The following CASK variants were observed in gnomAD, a reference collection of about 807,000 sequenced individuals.
CASK encodes calcium/calmodulin dependent serine protein kinase.
A neutral mutation model predicts 82.9 loss-of-function variants in CASK; 4 were observed. That is an observed-to-expected ratio of 0.05 (90% CI 0.02 to 0.11). The LOEUF is 0.11. Among genes scored for constraint, CASK ranks in the 10% least tolerant of loss-of-function variants. CASK has a pLI of 1.00. For missense variants in CASK, 358 were observed against 720.9 expected, an observed-to-expected ratio of 0.50 and a Z score of 5.76; for synonymous variants, 259 against 253.5, an observed-to-expected ratio of 1.02 and a Z score of -0.20.
intron 8 of CASK, among the ~76,000 whole-genome samples, chrX:41,638,828 A>G (rs1286973238): frequency 2.7e-5 from 3 of 110,797 alleles, no homozygotes; most frequent in African/African-American, 9.9e-5. Flanking sequence ...AAGCCAGTGG[A>G]GGGTCTTGAG....
chrX:41,775,540 T>C (rs2069343898), intron 3 of CASK, among the ~76,000 whole-genome samples: 1 of 105,675 alleles, frequency 9.5e-6, no homozygotes, highest in African/African-American at 3.4e-5. Context: ...ACTGGGTATA[T>C]ACCCAAAGGA....
intron 3 of CASK, among the ~76,000 whole-genome samples, chrX:41,770,329 C>T (rs1292622566): frequency 9.3e-6 from 1 of 107,750 alleles, no homozygotes; most frequent in Non-Finnish European, 1.9e-5. Context: ...TCCATCCATC[C>T]ATCCATCCAT....
intron 1 of CASK, among the ~76,000 whole-genome samples, chrX:41,883,304 T>C (rs1247904962): frequency 8.9e-6 from 1 of 111,793 alleles, no homozygotes; most frequent in Admixed American, 9.5e-5. Flanking sequence ...TTTGGAGGAC[T>C]ATAAACATCA....
chrX:41,784,141 C>T (rs149131154), intron 3 of CASK, among the ~76,000 whole-genome samples: 1,269 of 111,764 alleles, frequency 0.011, 28 homozygotes, highest in Admixed American at 0.071. Context: ...TTTTCTTTTA[C>T]ATCTCCACAA....
chrX:41,806,228 G>C (rs763621966), intron 2 of CASK, among the ~76,000 whole-genome samples: 22 of 111,916 alleles, frequency 2.0e-4, no homozygotes, highest in Non-Finnish European at 4.1e-4. Flanking sequence ...AAAATTAATA[G>C]CAAGTATTTA....
chrX:41,546,454 G>A (rs778612051), intron 21 of CASK, among the ~76,000 whole-genome samples: 3 of 110,876 alleles, frequency 2.7e-5, no homozygotes, highest in Admixed American at 9.6e-5. Flanking sequence ...TGACATCTTT[G>A]TTAGATTTAT....
intron 5 of CASK, chrX:41,729,776 AAAAAAATATAT>A: frequency 1.1e-5 from 1 of 86,983 alleles, no homozygotes; most frequent in Non-Finnish European, 2.3e-5. Context: ...AAAAAAAAAA[AAAAAAATATAT>A]ATATATATAT....
intron 5 of CASK, chrX:41,688,919 G>C (rs1408582674): frequency 1.9e-5 from 2 of 107,483 alleles, no homozygotes; most frequent in Admixed American, 2.0e-4. Flanking sequence ...AAAAAAAGAG[G>C]GGGAAAAAAA....
At chrX:41,687,131 A>C (rs2067455615) in intron 5 of CASK, among the ~76,000 whole-genome samples, 1 of 112,484 alleles carries the variant, frequency 8.9e-6, no homozygotes, top group Non-Finnish European at 1.9e-5. Flanking sequence ...TCTTAGGTGT[A>C]GGAAAATAAT....
At position 41,827,155 on chromosome X, in the gene CASK, A is replaced by G. The variant is rs946807459; in HGVS notation, c.172+25960T>C. The stretch of plus-strand genomic sequence containing the variant: ...TGGGAAAATTTTTAAGAAAAAAGTA[A>G]ACATGAAAATGCCCTCAAACTAAAT... On this transcript the variant is annotated intron_variant, in intron 2 of 26. Transcript: ENST00000378163. 2.7e-5 allele frequency among the ~76,000 whole-genome samples: 3 copies of G among 112,122 alleles called. No homozygotes were observed. In the Admixed American group the frequency reaches 2.8e-4, roughly 11 times the overall value.
chrX:41,817,409 T>C (rs1337648814), intron 2 of CASK, among the ~76,000 whole-genome samples: 2 of 111,627 alleles, frequency 1.8e-5, no homozygotes, highest in Non-Finnish European at 3.8e-5. Flanking sequence ...GGAATCCAGA[T>C]TGGAAAGGAA....
chrX:41,682,515 T>C (rs1164226226), intron 5 of CASK, among the ~76,000 whole-genome samples: 1 of 67,261 alleles, frequency 1.5e-5, no homozygotes, highest in Non-Finnish European at 2.5e-5. Context: ...GGTGACAGAA[T>C]GAGACTGTCT....
Position 41,557,236 on chromosome X carries a change from C to T in CASK, c.1738-136G>A, listed in dbSNP as rs757808038. The T allele has an allele frequency of 5.5e-6, 3 of 548,427 alleles. No individual in the cohort carries two copies. The South Asian group carries it at 8.0e-5, about 15-fold the overall frequency. 45.2% of individuals were successfully genotyped at this position (548,427 alleles called of 1,213,427 possible). A position where few individuals can be genotyped will look rare whatever the true frequency, so the allele number is the denominator to read the frequency against. ...GCTGTATAGGTGCCATACTGACTTG[C>T]TTGCATGATTTCACAGAAGTATGAA... On this transcript the variant is annotated intron_variant, in intron 18 of 26. Transcript: ENST00000378163.
intron 22 of CASK, among the ~76,000 whole-genome samples, chrX:41,537,266 T>C (rs1415258507): frequency 8.9e-6 from 1 of 111,789 alleles, no homozygotes; most frequent in Non-Finnish European, 1.9e-5. Context: ...CTGGTCTAAA[T>C]GAAATTGCCA....
At chrX:41,698,719 A>G (rs1283711236) in intron 5 of CASK, among the ~76,000 whole-genome samples, 1 of 111,413 alleles carries the variant, frequency 9.0e-6, no homozygotes, top group African/African-American at 3.3e-5. Context: ...TATTGACTGA[A>G]TTTATGTAAA....
At chrX:41,624,235 A>G (rs367694416) in intron 10 of CASK, 21 of 345,503 alleles carry the variant, frequency 6.1e-5, no homozygotes, top group Non-Finnish European at 5.6e-5. Context: ...AGGTGGAGGG[A>G]ACAAAATGGA....
chrX:41,770,585 C>T (rs1288525366), intron 3 of CASK, among the ~76,000 whole-genome samples: 1 of 110,375 alleles, frequency 9.1e-6, no homozygotes, highest in Non-Finnish European at 1.9e-5. Flanking sequence ...GACGAGATTT[C>T]ACCATGTTGG....
rs549154288 is a variant in CASK at position 41,600,137 on chromosome X, G to T, written c.1155+9767C>A. Among the ~76,000 whole-genome samples the T allele has an allele frequency of 2.7e-5, 3 of 111,989 alleles. No homozygotes were observed. The Admixed American group carries it at 2.8e-4, about 11-fold the overall frequency. ...GTAACATTTATGTTACATTAGGTGTGTCAGATAATATTTTATTTAATTATT... is the reference window on the plus strand; with the variant it reads ...GTAACATTTATGTTACATTAGGTGTTTCAGATAATATTTTATTTAATTATT... On this transcript the variant is annotated intron_variant, in intron 12 of 26. Coordinates refer to ENST00000378163, the MANE Select transcript of CASK (RefSeq NM_001367721.1).
At position 41,873,781 on chromosome X, in the gene CASK, GTTCCT is replaced by G. The variant is rs1205248025; in HGVS notation, c.60-20559_60-20555del. Among the ~76,000 whole-genome samples, 4 of 93,180 alleles carry G rather than the reference GTTCCT, an allele frequency of 4.3e-5. No individual in the cohort carries two copies. The East Asian group carries it at 1.4e-3, about 32-fold the overall frequency. The allele number at this position is 93,180 out of a possible 115,157, so 80.9% of individuals were successfully genotyped here. On this transcript the variant is annotated intron_variant, in intron 1 of 26. Transcript: ENST00000378163. ...TGCAAAAGTAATTGCAGTTTTTGTT[GTTCCT>G]TTTTTTTTTTTTTTTTTTTTGGAGA... is the stretch of plus-strand genomic sequence containing the variant.
Sources: gnomAD v4.1 joint callset for allele counts (sites outside exome capture counted in the v4.1 genomes callset) on GRCh38, gnomAD v4.1.1 for gene constraint, MANE v1.5 for transcripts, NCBI Gene and HGNC (gene_info 2026-07-23, HGNC 2026-07-21) for gene names.